Variants in PPP4R4 observed in about 807,000 individuals in gnomAD.
The protein encoded by PPP4R4 is protein phosphatase 4 regulatory subunit 4.
Under a neutral mutation model 121.8 loss-of-function variants are expected in PPP4R4, and 70 were observed. The observed-to-expected ratio is 0.57, with a 90% CI of 0.47 to 0.70. The LOEUF is 0.70. PPP4R4 is among the 30% of genes least tolerant of loss of function. The pLI is 0.00. For missense variants in PPP4R4, 875 were observed against 1,033.6 expected, an observed-to-expected ratio of 0.85 and a Z score of 2.10; for synonymous variants, 348 against 355.7, an observed-to-expected ratio of 0.98 and a Z score of 0.24.
chr14:94,264,992 T>G, intron 20 of PPP4R4, 45 bp downstream of exon 20: 1 of 1,317,724 alleles, frequency 7.6e-7, no homozygotes, highest in Non-Finnish European at 1.1e-6. Context: ...ACATAATTAA[T>G]GTTGCATCCT....
At chr14:94,231,565 T>C (rs1892038826) in intron 5 of PPP4R4, among the ~76,000 whole-genome samples, 1 of 152,194 alleles carries the variant, frequency 6.6e-6, no homozygotes, top group South Asian at 2.1e-4. Flanking sequence ...ATATGGTTGC[T>C]GCTTGGCTTG....
rs1424665934 is a variant in PPP4R4, at chr14:94,237,624, G to A, written c.791G>A (p.Gly264Asp). The A allele has an allele frequency of 9.9e-6, 16 of 1,612,370 alleles. No homozygotes were observed. Among genetic ancestry groups the A allele is most frequent in the Admixed American group, 1.7e-5 (1 of 60,028 alleles). Residue 264 changes from glycine to aspartate, a missense_variant, in exon 8 of 25, where the codon GGC becomes GAC. Gly to Asp is a moderately conservative substitution (Grantham distance 94). Coordinates refer to ENST00000304338, the MANE Select transcript of PPP4R4 (RefSeq NM_058237.2). The part of the protein sequence containing the change: ...PELIELSRDE[G>D]SSVRLAAFET... ...TTAATAGAACTTTCTAGGGATGAAG[G>A]CAGCAGTGTACGACTTGCAGCTTTT... is the stretch of plus-strand genomic sequence containing the variant.
intron 24 of PPP4R4, among the ~76,000 whole-genome samples, chr14:94,277,242 A>G (rs1421929972): frequency 6.6e-6 from 1 of 152,214 alleles, no homozygotes; most frequent in Non-Finnish European, 1.5e-5. Flanking sequence ...CGGAGGTTTC[A>G]GTGAGCTGAG....
intron 2 of PPP4R4, among the ~76,000 whole-genome samples, chr14:94,196,254 C>G (rs1889861702): frequency 8.3e-6 from 1 of 120,026 alleles, no homozygotes; most frequent in Non-Finnish European, 1.8e-5. Context: ...GTTAGATCTT[C>G]TTTGTCTATC....
At chr14:94,180,595 CTTTTT>C (rs34648844) in intron 2 of PPP4R4, among the ~76,000 whole-genome samples, 1 of 123,934 alleles carries the variant, frequency 8.1e-6, no homozygotes, top group Non-Finnish European at 1.7e-5. Context: ...AAGAGCTTTG[CTTTTT>C]TTTTTTTTTT....
chr14:94,191,483 A>G (rs2139404647), intron 2 of PPP4R4, among the ~76,000 whole-genome samples: 1 of 152,322 alleles, frequency 6.6e-6, no homozygotes, highest in East Asian at 1.9e-4. Flanking sequence ...AACATTTATC[A>G]TTCCTTTGTG....
intron 2 of PPP4R4, among the ~76,000 whole-genome samples, chr14:94,177,662 A>T (rs193211311): frequency 6.6e-6 from 1 of 152,314 alleles, no homozygotes; most frequent in Non-Finnish European, 1.5e-5. Context: ...TGCTCTATTT[A>T]CTTGTGATAG....
At chr14:94,253,862 G>C (rs1893322495) in intron 16 of PPP4R4, among the ~76,000 whole-genome samples, 2 of 152,172 alleles carry the variant, frequency 1.3e-5, no homozygotes, top group African/African-American at 4.8e-5. Flanking sequence ...AACTGGCTTT[G>C]GGTATAAAAG....
chr14:94,202,255 A>G (rs1177105910), intron 2 of PPP4R4, among the ~76,000 whole-genome samples: 1 of 152,150 alleles, frequency 6.6e-6, no homozygotes, highest in Non-Finnish European at 1.5e-5. Flanking sequence ...ACCGCTGAAG[A>G]ACTTATTCAT....
intron 24 of PPP4R4, among the ~76,000 whole-genome samples, 170 bp from the exon 25 acceptor site, chr14:94,278,449 A>C (rs1459536623): frequency 6.6e-6 from 1 of 152,190 alleles, no homozygotes; most frequent in Non-Finnish European, 1.5e-5. Context: ...TTTTTCCCTT[A>C]ATCAGACTTC....
At chr14:94,177,656 C>T (rs764564520) in intron 2 of PPP4R4, among the ~76,000 whole-genome samples, 1 of 152,168 alleles carries the variant, frequency 6.6e-6, no homozygotes, top group African/African-American at 2.4e-5. Context: ...GAGTCTTGCT[C>T]TATTTACTTG....
Position 94,195,507 on chromosome 14 carries a change from A to G in PPP4R4, c.192-12957A>G, listed in dbSNP as rs150487958. On this transcript the variant is annotated intron_variant, in intron 2 of 24. Coordinates refer to ENST00000304338, the MANE Select transcript of PPP4R4 (RefSeq NM_058237.2). ...GCCAGTAATTAATGTTGGTGGTTTC[A>G]TGTGGCTCAACTAATATTTGCTTTG... Among the ~76,000 whole-genome samples the G allele has an allele frequency of 1.4e-3, 208 of 152,354 alleles. 1 individual carries two copies. The highest frequency in any genetic ancestry group is 4.9e-3 in the African/African-American group (203 of 41,578).
At chr14:94,197,508 G>A (rs531875687) in intron 2 of PPP4R4, among the ~76,000 whole-genome samples, 2 of 152,192 alleles carry the variant, frequency 1.3e-5, no homozygotes, top group African/African-American at 4.8e-5. Context: ...CATCTTCATA[G>A]GGGTACTTTC....
intron 2 of PPP4R4, among the ~76,000 whole-genome samples, chr14:94,205,325 G>A (rs1890402940): frequency 6.6e-6 from 1 of 151,974 alleles, no homozygotes; most frequent in South Asian, 2.1e-4. Flanking sequence ...AAATTTATAT[G>A]TATAGAAGTA....
chr14:94,269,518 A>T (rs1405886470), intron 23 of PPP4R4, among the ~76,000 whole-genome samples: 1 of 146,540 alleles, frequency 6.8e-6, no homozygotes, highest in Non-Finnish European at 1.5e-5. Flanking sequence ...TACTAAAAAT[A>T]AAAAAAAAAA....
In PPP4R4 at chr14:94,233,752, G is replaced by T; in HGVS notation, c.616G>T (p.Ala206Ser). Residue 206 changes from alanine to serine, a missense_variant, in exon 6 of 25, where the codon GCC (alanine) becomes TCC (serine). Physicochemically the swap from Ala to Ser is moderately conservative, Grantham distance 99. Transcript: ENST00000304338. Reference protein sequence around the residue: ...ILGKLTNKFDAHTIKREILPL... With the variant: ...ILGKLTNKFDSHTIKREILPL... ...AGGAAAATTGACCAACAAATTTGAT[G>T]CCCACACGTGAGTATTTGTATGTAA... The T allele has an allele frequency of 5.2e-6, 8 of 1,546,096 alleles. No individual in the cohort carries two copies. The highest frequency in any genetic ancestry group is 7.1e-6 in the Non-Finnish European group (8 of 1,121,920).
chr14:94,251,582 T>C (rs550885902), intron 15 of PPP4R4, among the ~76,000 whole-genome samples, 167 bp from the exon 16 acceptor site: 237 of 152,202 alleles, frequency 1.6e-3, no homozygotes, highest in African/African-American at 5.6e-3. Context: ...TTTGGGGATT[T>C]ACAAACCTGA....
chr14:94,203,902 T>C (rs1383126937), intron 2 of PPP4R4, among the ~76,000 whole-genome samples: 2 of 152,206 alleles, frequency 1.3e-5, no homozygotes, highest in African/African-American at 2.4e-5. Flanking sequence ...TTTATTACTA[T>C]TGAGTTTTGA....
intron 9 of PPP4R4, 24 bp from the exon 10 acceptor site, chr14:94,241,764 G>A (rs764219930): frequency 6.6e-7 from 1 of 1,510,108 alleles, no homozygotes; most frequent in South Asian, 1.3e-5. Flanking sequence ...GAAATGTTGA[G>A]CTAGTTTTTT....
Sources: allele counts gnomAD v4.1 joint callset (sites outside exome capture counted in the v4.1 genomes callset), GRCh38; gene constraint gnomAD v4.1.1; transcripts MANE v1.5; gene names NCBI Gene and HGNC (gene_info 2026-07-23, HGNC 2026-07-21).